Variants in F5 observed in about 807,000 individuals in gnomAD.
F5 encodes activated protein c cofactor.
F5 carries 138 observed loss-of-function variants against 216.4 expected under a neutral mutation model. The observed-to-expected ratio is 0.64, with a 90% CI of 0.56 to 0.73. The LOEUF (loss-of-function observed/expected upper bound fraction) is 0.73. Ranked by LOEUF, F5 falls within the 30% of genes least tolerant of loss-of-function variation. F5 has a pLI of 0.00. For synonymous variants in F5, 916 were observed against 930.7 expected (o/e 0.98, Z 0.29); for missense variants, 2,403 against 2,674.0 (o/e 0.90, Z 2.24).
chr1:169,523,357 A>C lies in F5; in HGVS notation c.5893-5T>G, dbSNP rs775987420. On this transcript the variant is annotated splice_polypyrimidine_tract_variant and splice_region_variant and intron_variant, in intron 20 of 24. Coordinates refer to ENST00000367797, the MANE Select transcript of F5 (RefSeq NM_000130.5). ...GACTTCCTTTTGCATGTCCACCTGC[A>C]ATATAGGAAAGCCAGTAAACAGAAC... 6 of 1,613,834 alleles carry C rather than the reference A, an allele frequency of 3.7e-6. No individual in the cohort carries two copies. The highest frequency in any genetic ancestry group is 1.3e-5 in the African/African-American group (1 of 74,918).
chr1:169,522,564 T>C (rs1233216573), intron 21 of F5, among the ~76,000 whole-genome samples: 2 of 152,130 alleles, frequency 1.3e-5, no homozygotes, highest in Non-Finnish European at 2.9e-5. Flanking sequence ...AATAATTTTA[T>C]ATAAAATATA....
In F5 at chr1:169,572,294, A is replaced by G. The variant is rs1660743403; in HGVS notation, c.300T>C (p.Val100=). 2 of 1,613,354 alleles carry G rather than the reference A, an allele frequency of 1.2e-6. No homozygotes were observed. Among genetic ancestry groups the G allele is most frequent in the Non-Finnish European group, 1.7e-6 (2 of 1,179,650 alleles). ...GCTTATCTGCCTTATTTTTAAAGTG[A>G]ACTTTTATGATGTCTCCGACTTCAG... ...LYAEVGDIIK[V]HFKNKADKPL... Residue 100 remains valine, a synonymous_variant, in exon 3 of 25, where the codon GTT becomes GTC. Transcript: ENST00000367797.
At chr1:169,520,403 G>A in intron 22 of F5, 117 bp downstream of exon 22, 1 of 1,299,446 alleles carries the variant, frequency 7.7e-7, no homozygotes. Context: ...TTTCACAAAG[G>A]TTTTCCTAGG....
rs9332605 is a variant in F5 at position 169,542,151 on chromosome 1, C to T, written c.2939G>A (p.Arg980His). 23 of 1,613,928 alleles carry T rather than the reference C, an allele frequency of 1.4e-5. No homozygotes were observed. The highest frequency in any genetic ancestry group is 5.3e-5 in the African/African-American group (4 of 74,888). The change falls in exon 13 of 25, where the codon CGT becomes CAT. Residue 980 changes from arginine (R) to histidine (H), a missense_variant. By Grantham distance (29) the Arg-to-His change is conservative. Transcript: ENST00000367797. ...NWLISPQNAS[R>H]AWGESTPLAN... ...AAGAGGGGTGCTTTCTCCCCAAGCA[C>T]GTGAGGCATTCTGGGGGCTGATCAG...
Position 169,549,891 on chromosome 1 carries a change from A to G in F5, c.1521T>C (p.Ser507=), listed in dbSNP as rs752438368. Residue 507 remains serine (S), a synonymous_variant, in exon 10 of 25, where the codon AGT becomes AGC. Transcript: ENST00000367797. ...DAQCLTRPYY[S]DVDIMRDIAS... is the part of the protein sequence containing the mutation. The stretch of plus-strand genomic sequence containing the variant: ...CGATGTCTCTCATGATGTCCACGTC[A>G]CTGTAGTATGGTCTTGTTAAGCACT... The G allele has an allele frequency of 1.7e-5, 28 of 1,614,020 alleles. No homozygotes were observed. The South Asian group carries it at 3.1e-4, about 18-fold the overall frequency.
intron 8 of F5, 49 bp downstream of exon 8, chr1:169,552,508 A>G: frequency 6.7e-7 from 1 of 1,485,844 alleles, no homozygotes; most frequent in Admixed American, 1.7e-5. Context: ...GTACTCCATA[A>G]TATTTTACTA....
chr1:169,579,829 C>T (rs138509156), intron 2 of F5, among the ~76,000 whole-genome samples: 1,558 of 152,336 alleles, frequency 0.01, 14 homozygotes, highest in Non-Finnish European at 0.016. Context: ...TGGTCTTTCT[C>T]CAATCTATTC....
Position 169,540,822 on chromosome 1 carries a change from T to C in F5, c.4268A>G (p.Asn1423Ser), listed in dbSNP as rs763463893. The C allele has an allele frequency of 1.9e-6, 3 of 1,613,000 alleles. No homozygotes were observed. The highest frequency in any genetic ancestry group is 2.2e-5 in the South Asian group (2 of 91,010). ...TGGGGAAAGGGACATCTGACCAAAG[T>C]TTGGGGAAAGATCTGTCTCACCAAG... The part of the protein sequence containing the change: ...PDLGETDLSP[N>S]FGQMSLSPDL... The change falls in exon 13 of 25, where the codon AAC becomes AGC. Residue 1423 changes from asparagine (N) to serine (S), a missense_variant. Asn to Ser is a conservative substitution (Grantham distance 46). This residue lies in a region of F5 where 293 missense variants were observed against 270.8 expected (regional missense o/e 1.08). Transcript: ENST00000367797.
intron 22 of F5, 66 bp from the exon 23 acceptor site, chr1:169,518,629 A>G: frequency 1.3e-6 from 2 of 1,518,798 alleles, no homozygotes; most frequent in South Asian, 1.1e-5. Context: ...CATGCACTGC[A>G]GAGGAGATAA....
chr1:169,529,541 A>G, intron 16 of F5, 67 bp downstream of exon 16: 2 of 1,396,394 alleles, frequency 1.4e-6, no homozygotes, highest in South Asian at 2.3e-5. Flanking sequence ...TGAATATCTA[A>G]GGGCAGAAAT....
At chr1:169,566,797 C>A (rs1660611731) in intron 3 of F5, among the ~76,000 whole-genome samples, 1 of 151,998 alleles carries the variant, frequency 6.6e-6, no homozygotes, top group Non-Finnish European at 1.5e-5. Context: ...TGGCTCCTAA[C>A]AAATGCTCTG....
Position 169,542,927 on chromosome 1 carries a change from A to C in F5, c.2163T>G (p.Asp721Glu), listed in dbSNP as rs1317417517. The change falls in exon 13 of 25, where the codon GAT (aspartate) becomes GAG (glutamate). Residue 721 changes from aspartate to glutamate, a missense_variant. Coordinates refer to ENST00000367797, the MANE Select transcript of F5 (RefSeq NM_000130.5). Reference protein sequence around the residue: ...DRLEPEDEESDADYDYQNRLA... With the variant: ...DRLEPEDEESEADYDYQNRLA... Reference sequence around the variant, plus strand: ...GTCTGTTCTGGTAATCATAGTCAGCATCACTCTCTTCATCTTCAGGTTCTA... The same window carrying C: ...GTCTGTTCTGGTAATCATAGTCAGCCTCACTCTCTTCATCTTCAGGTTCTA... 4 of 1,614,136 alleles carry C rather than the reference A, an allele frequency of 2.5e-6. No individual in the cohort carries two copies. In the South Asian group the frequency reaches 4.4e-5, roughly 18 times the overall value.
rs541847014 is a variant in F5, at chr1:169,584,948, C to T, written c.158+1281G>A. Among the ~76,000 whole-genome samples the T allele has an allele frequency of 5.9e-5, 9 of 152,246 alleles. No individual in the cohort carries two copies. In the East Asian group the frequency reaches 1.2e-3, roughly 20 times the overall value. On this transcript the variant is annotated intron_variant, in intron 1 of 24. Coordinates refer to ENST00000367797, the MANE Select transcript of F5 (RefSeq NM_000130.5). ...CCTTTGCCCTATCTGGTTCTGCCTC[C>T]GGTATTTTGCTTGTTATTTTCAACG...
At chr1:169,555,038 A>T (rs1335480988) in intron 7 of F5, 144 bp downstream of exon 7, 1 of 908,642 alleles carries the variant, frequency 1.1e-6, no homozygotes, top group Non-Finnish European at 1.8e-6. Context: ...GTAATTCAAG[A>T]TTAATTTTTA....
At chr1:169,552,782 C>A in intron 7 of F5, 48 bp from the exon 8 acceptor site, 1 of 1,390,474 alleles carries the variant, frequency 7.2e-7, no homozygotes, top group Non-Finnish European at 1.0e-6. Flanking sequence ...AAATAGAGAT[C>A]TCGGTAGGAT....
chr1:169,577,313 C>T (rs780468150), intron 2 of F5, among the ~76,000 whole-genome samples: 1 of 151,918 alleles, frequency 6.6e-6, no homozygotes, highest in Non-Finnish European at 1.5e-5. Flanking sequence ...CCTTCAGGGA[C>T]AAACATTTTA....
intron 21 of F5, 132 bp downstream of exon 21, chr1:169,523,065 C>A: frequency 1.1e-6 from 1 of 951,936 alleles, no homozygotes; most frequent in Admixed American, 1.9e-5. Flanking sequence ...CTCCATATGA[C>A]CCTTAGAAAG....
chr1:169,544,819 T>A (rs1659962093), intron 11 of F5, among the ~76,000 whole-genome samples: 1 of 152,242 alleles, frequency 6.6e-6, no homozygotes. Context: ...TTAAAGATAT[T>A]CTAATAATTC....
intron 3 of F5, among the ~76,000 whole-genome samples, chr1:169,565,296 T>C (rs183454265): frequency 1.3e-5 from 2 of 152,266 alleles, no homozygotes; most frequent in African/African-American, 4.8e-5. Flanking sequence ...CATTTTCTTC[T>C]ACTAGATCAT....
Sources: gnomAD v4.1 joint callset for allele counts (sites outside exome capture counted in the v4.1 genomes callset) on GRCh38, gnomAD v4.1.1 for gene constraint, gnomAD v4.1.1 regional missense constraint, MANE v1.5 for transcripts, NCBI Gene and HGNC (gene_info 2026-07-23, HGNC 2026-07-21) for gene names.